TSHZ2: variants seen among roughly 807,000 people sequenced by gnomAD.
TSHZ2 encodes teashirt homolog 2.
Under a neutral mutation model 74.4 loss-of-function variants are expected in TSHZ2, and 21 were observed. The observed-to-expected ratio is 0.28, with a 90% CI of 0.20 to 0.41. The LOEUF (loss-of-function observed/expected upper bound fraction) is 0.41. Among genes scored for constraint, TSHZ2 ranks in the 10% least tolerant of loss-of-function variants. The probability of loss-of-function intolerance (pLI) is 1.00; values close to 1 mark genes in which losing one functional copy is unlikely to be tolerated. For synonymous variants in TSHZ2, 540 were observed against 515.3 expected (o/e 1.05, Z -0.65); for missense variants, 1,244 against 1,293.5 (o/e 0.96, Z 0.59).
At chr20:53,206,329 T>C (rs1201305477) in intron 1 of TSHZ2, among the ~76,000 whole-genome samples, 3 of 152,264 alleles carry the variant, frequency 2.0e-5, no homozygotes, top group African/African-American at 7.2e-5. Context: ...GCACAGTCCC[T>C]GGCACAAAAC....
intron 1 of TSHZ2, among the ~76,000 whole-genome samples, chr20:53,003,293 T>TGTGTGTGC (rs1397850559): frequency 1.4e-5 from 2 of 143,422 alleles, no homozygotes; most frequent in South Asian, 2.2e-4. Flanking sequence ...TGTGTGTGTG[T>TGTGTGTGC]GTGAAATTTT....
chr20:53,480,439 C>T (rs763302936), intron 2 of TSHZ2, among the ~76,000 whole-genome samples: 2 of 151,754 alleles, frequency 1.3e-5, no homozygotes, highest in African/African-American at 2.4e-5. Context: ...TGGTGGCATG[C>T]GCCTGTAGTA....
intron 1 of TSHZ2, among the ~76,000 whole-genome samples, chr20:53,235,685 G>A (rs1989926330): frequency 6.6e-6 from 1 of 152,186 alleles, no homozygotes; most frequent in Admixed American, 6.5e-5. Flanking sequence ...AATAATGAGA[G>A]AGATTTTATG....
At chr20:53,464,759 C>T (rs150542632) in intron 2 of TSHZ2, among the ~76,000 whole-genome samples, 82 of 152,198 alleles carry the variant, frequency 5.4e-4, no homozygotes, top group Admixed American at 1.7e-3. Context: ...TCAGCCACCA[C>T]GCCCAGTCAG....
chr20:53,389,173 C>G (rs1390010673), intron 2 of TSHZ2, among the ~76,000 whole-genome samples: 4 of 152,158 alleles, frequency 2.6e-5, no homozygotes, highest in Non-Finnish European at 5.9e-5. Context: ...GATAGGGTCC[C>G]CTCCTAGTGT....
At chr20:53,166,208 C>A (rs1020370233) in intron 1 of TSHZ2, among the ~76,000 whole-genome samples, 1 of 152,180 alleles carries the variant, frequency 6.6e-6, no homozygotes, top group African/African-American at 2.4e-5. Flanking sequence ...GGTATTGGGG[C>A]AGTTTCAACA....
At chr20:53,136,332 G>C (rs1987244648) in intron 1 of TSHZ2, among the ~76,000 whole-genome samples, 1 of 152,188 alleles carries the variant, frequency 6.6e-6, no homozygotes, top group East Asian at 1.9e-4. Context: ...GCGTATATTG[G>C]TGCATGCATT....
chr20:53,079,397 G>A (rs575624635), intron 1 of TSHZ2, among the ~76,000 whole-genome samples: 21 of 152,330 alleles, frequency 1.4e-4, no homozygotes, highest in Admixed American at 3.3e-4. Context: ...AGTGGTTAAC[G>A]TAGACAGTGA....
intron 2 of TSHZ2, among the ~76,000 whole-genome samples, chr20:53,481,561 G>C (rs1041392742): frequency 1.2e-4 from 18 of 151,652 alleles, no homozygotes; most frequent in African/African-American, 4.4e-4. Context: ...CTGGGTGACA[G>C]AGTGAGACCC....
chr20:53,109,911 T>G (rs1340713873), intron 1 of TSHZ2, among the ~76,000 whole-genome samples: 3 of 152,164 alleles, frequency 2.0e-5, no homozygotes, highest in Admixed American at 6.5e-5. Flanking sequence ...GCTCAGCTCA[T>G]CTCCTCTTTA....
intron 2 of TSHZ2, among the ~76,000 whole-genome samples, chr20:53,294,610 C>T (rs1274762698): frequency 6.6e-6 from 1 of 152,118 alleles, no homozygotes; most frequent in African/African-American, 2.4e-5. Flanking sequence ...TTTTCCTGAG[C>T]TTTCAGGTTC....
At chr20:53,284,854 T>C (rs2145443541) in intron 2 of TSHZ2, among the ~76,000 whole-genome samples, 1 of 152,234 alleles carries the variant, frequency 6.6e-6, no homozygotes, top group East Asian at 1.9e-4. Flanking sequence ...AGCTGGCAAT[T>C]ATGTTCTGTC....
At chr20:53,114,105 A>G (rs1207018506) in intron 1 of TSHZ2, among the ~76,000 whole-genome samples, 1 of 151,952 alleles carries the variant, frequency 6.6e-6, no homozygotes, top group Non-Finnish European at 1.5e-5. Context: ...TATGAAAAAA[A>G]AAAAAAGAAA....
intron 1 of TSHZ2, among the ~76,000 whole-genome samples, chr20:53,239,511 C>A (rs181104169): frequency 1.1e-4 from 16 of 152,276 alleles, no homozygotes; most frequent in Admixed American, 5.9e-4. Flanking sequence ...TCTTAAAGAG[C>A]TTACCACCTG....
chr20:53,258,992 TC>T (rs1338797246), intron 2 of TSHZ2, among the ~76,000 whole-genome samples: 1 of 152,208 alleles, frequency 6.6e-6, no homozygotes, highest in African/African-American at 2.4e-5. Flanking sequence ...CCTGAATGTT[TC>T]CCCCATCTGT....
intron 2 of TSHZ2, among the ~76,000 whole-genome samples, chr20:53,477,989 A>G (rs1439150041): frequency 7.0e-6 from 1 of 142,268 alleles, no homozygotes; most frequent in East Asian, 2.2e-4. Flanking sequence ...TTAGAATGGC[A>G]ATCATTAAAA....
At chr20:53,317,762 G>A (rs956830562) in intron 2 of TSHZ2, among the ~76,000 whole-genome samples, 3 of 152,296 alleles carry the variant, frequency 2.0e-5, no homozygotes, top group Admixed American at 2.0e-4. Context: ...ATCATTCAAA[G>A]GACATTGCCG....
intron 1 of TSHZ2, among the ~76,000 whole-genome samples, chr20:53,142,272 A>G (rs1987419533): frequency 1.3e-5 from 2 of 152,302 alleles, no homozygotes; most frequent in Admixed American, 6.5e-5. Context: ...CTTCCTCTGT[A>G]TTAGCTACAC....
At chr20:53,260,619 T>G (rs1990583310) in intron 2 of TSHZ2, among the ~76,000 whole-genome samples, 1 of 152,190 alleles carries the variant, frequency 6.6e-6, no homozygotes, top group African/African-American at 2.4e-5. Context: ...ATGCTGGATT[T>G]AACCCCCAAC....
Sources: gnomAD v4.1 joint callset for allele counts (sites outside exome capture counted in the v4.1 genomes callset) on GRCh38, gnomAD v4.1.1 for gene constraint, MANE v1.5 for transcripts, NCBI Gene and HGNC (gene_info 2026-07-23, HGNC 2026-07-21) for gene names.